Variants in DLGAP4 observed in about 807,000 individuals in gnomAD.
The protein encoded by DLGAP4 is DLG associated protein 4.
In DLGAP4, 18 loss-of-function variants were observed where a neutral mutation model predicts 86.9. The observed-to-expected ratio is 0.21, with a 90% CI of 0.14 to 0.31. DLGAP4 has a LOEUF of 0.31. Ranked by LOEUF, DLGAP4 falls within the 10% of genes least tolerant of loss-of-function variation. DLGAP4 has a pLI of 1.00. For synonymous variants in DLGAP4, 548 were observed against 574.3 expected (o/e 0.95, Z 0.65); for missense variants, 1,085 against 1,362.6 (o/e 0.80, Z 3.21).
intron 1 of DLGAP4, among the ~76,000 whole-genome samples, chr20:36,317,257 T>A (rs1331434758): frequency 0.011 from 661 of 60,484 alleles, 7 homozygotes; most frequent in African/African-American, 0.054. Context: ...CTTTCTTTCT[T>A]TCTTTCTTTC....
In DLGAP4 at chr20:36,500,334, C is replaced by T. The variant is rs560062793; in HGVS notation, c.2235C>T (p.Ile745=). 56 of 1,613,888 alleles carry T rather than the reference C, an allele frequency of 3.5e-5. 2 individuals are homozygous for T. In the South Asian group the frequency reaches 5.2e-4, roughly 15 times the overall value. ...CCCCTCACCCCAACTCCATCAGCAT[C>T]GATGCCGGTCCCCGGCAGGCCCCCA... ...DCTPHPNSIS[I]DAGPRQAPKI... Residue 745 remains isoleucine, a synonymous_variant, in exon 10 of 13, where the codon ATC becomes ATT. Transcript: ENST00000339266. This position sits in a 1 kb window ranked among gnomAD's most constrained non-coding sequence, Gnocchi z 4.6.
At chr20:36,366,599 A>G (rs2030696066) in intron 1 of DLGAP4, among the ~76,000 whole-genome samples, 1 of 152,146 alleles carries the variant, frequency 6.6e-6, no homozygotes, top group Non-Finnish European at 1.5e-5. Flanking sequence ...TGGTGGGGAA[A>G]CTGAGGCTCA....
At chr20:36,330,665 C>T (rs748929377) in intron 1 of DLGAP4, among the ~76,000 whole-genome samples, 10 of 150,526 alleles carry the variant, frequency 6.6e-5, no homozygotes, top group Non-Finnish European at 1.3e-4. Context: ...CTATGCCTCC[C>T]GGATTCAAGC....
At position 36,393,464 on chromosome 20, in the gene DLGAP4, C is replaced by T. The variant is rs2031849498; in HGVS notation, c.-73+26189C>T. ...AAGTGCTGGGCTCCTGGGAGACGCT[C>T]TGGGGTCTGGAAACCCAGCCCTCTT... On this transcript the variant is annotated intron_variant, in intron 2 of 12. Transcript: ENST00000339266. This position sits in a 1 kb window ranked among gnomAD's most constrained non-coding sequence, Gnocchi z 4.4. Among the ~76,000 whole-genome samples, 1 of 152,136 alleles carries T rather than the reference C, an allele frequency of 6.6e-6. No individual in the cohort carries two copies.
intron 10 of DLGAP4, among the ~76,000 whole-genome samples, chr20:36,521,648 A>T (rs1043607222): frequency 7.9e-5 from 12 of 152,304 alleles, no homozygotes; most frequent in Admixed American, 5.9e-4. Flanking sequence ...ACAAGTCCTC[A>T]GCAGGGTTGA....
At chr20:36,517,013 G>A (rs78967517) in intron 10 of DLGAP4, among the ~76,000 whole-genome samples, 43 of 151,550 alleles carry the variant, frequency 2.8e-4, no homozygotes, top group Admixed American at 1.0e-3. Flanking sequence ...TGATCCGCCC[G>A]CCTCGGCCTC....
intron 1 of DLGAP4, among the ~76,000 whole-genome samples, chr20:36,346,419 G>A (rs912926525): frequency 1.3e-5 from 2 of 152,230 alleles, no homozygotes; most frequent in Non-Finnish European, 2.9e-5. Flanking sequence ...GGAACCATCC[G>A]GGACACTCTC....
At chr20:36,392,102 G>A (rs2031803324) in intron 2 of DLGAP4, among the ~76,000 whole-genome samples, 1 of 152,214 alleles carries the variant, frequency 6.6e-6, no homozygotes, top group South Asian at 2.1e-4. Flanking sequence ...CTGGTTCAGA[G>A]TGAGGCAGCA....
intron 7 of DLGAP4, among the ~76,000 whole-genome samples, chr20:36,452,772 A>G (rs2033771476): frequency 6.7e-6 from 1 of 149,020 alleles, no homozygotes; most frequent in South Asian, 2.1e-4. Flanking sequence ...GGCCTCCCAA[A>G]GTGTTGGGAT....
Position 36,432,723 on chromosome 20 carries a change from C to T in DLGAP4, c.999+7C>T. ...AGCCTACCATTACCTGCAGGTGGGT[C>T]TCTGGCAGGGTCAGGGGTGGGATGA... On this transcript the variant is annotated splice_region_variant and intron_variant, in intron 3 of 12. Coordinates refer to ENST00000339266, the MANE Select transcript of DLGAP4 (RefSeq NM_001365621.2). The surrounding 1 kb of genome is among the most constrained non-coding windows in gnomAD (Gnocchi z 6.5). 3.1e-6 allele frequency: 5 copies of T among 1,611,954 alleles called. No homozygotes were observed. Among genetic ancestry groups the T allele is most frequent in the Non-Finnish European group, 4.2e-6 (5 of 1,179,224 alleles).
intron 2 of DLGAP4, among the ~76,000 whole-genome samples, chr20:36,423,915 A>G (rs2032901362): frequency 6.6e-6 from 1 of 152,044 alleles, no homozygotes; most frequent in Non-Finnish European, 1.5e-5. Flanking sequence ...AGCCGAGATC[A>G]TGCCGCTGCA....
At chr20:36,422,694 G>A (rs973793387) in intron 2 of DLGAP4, among the ~76,000 whole-genome samples, 4 of 152,166 alleles carry the variant, frequency 2.6e-5, no homozygotes, top group African/African-American at 9.7e-5. Context: ...ATGAGATGAG[G>A]TAGGGCAGGG....
chr20:36,373,248 T>C (rs1346265737), intron 2 of DLGAP4, among the ~76,000 whole-genome samples: 2 of 152,244 alleles, frequency 1.3e-5, no homozygotes, highest in South Asian at 2.1e-4. Context: ...AGAGGTCTGA[T>C]GGCTTCAGGC....
rs999449023 is a variant in DLGAP4 at position 36,524,956 on chromosome 20, C to T, written c.2604+615C>T. Among the ~76,000 whole-genome samples, 9 of 151,598 alleles carry T rather than the reference C, an allele frequency of 5.9e-5. 1 individual carries two copies. Among genetic ancestry groups the T allele is most frequent in the Admixed American group, 3.9e-4 (6 of 15,194 alleles). On this transcript the variant is annotated intron_variant, in intron 11 of 12. Coordinates refer to ENST00000339266, the MANE Select transcript of DLGAP4 (RefSeq NM_001365621.2). ...TTTTTTGGCCAGGCGCAGTGGCTCA[C>T]GCCTGTAATCCCAGCACTTTGGGAG...
intron 1 of DLGAP4, among the ~76,000 whole-genome samples, chr20:36,366,055 G>A (rs1442177925): frequency 1.3e-5 from 2 of 152,142 alleles, no homozygotes; most frequent in African/African-American, 4.8e-5. Context: ...GGAGGGGTGT[G>A]GAATAGAGGG....
chr20:36,512,089 T>C (rs1190980331), intron 10 of DLGAP4, among the ~76,000 whole-genome samples: 2 of 146,806 alleles, frequency 1.4e-5, no homozygotes, highest in South Asian at 2.2e-4. Context: ...CTTGCTCTGT[T>C]GCCCAGGCTA....
At chr20:36,518,276 T>G (rs933758014) in intron 10 of DLGAP4, among the ~76,000 whole-genome samples, 1 of 152,166 alleles carries the variant, frequency 6.6e-6, no homozygotes, top group Non-Finnish European at 1.5e-5. Context: ...TAACTCTAGT[T>G]TTGAGTATCT....
chr20:36,447,148 T>C (rs1289750937), intron 7 of DLGAP4, among the ~76,000 whole-genome samples: 1 of 152,140 alleles, frequency 6.6e-6, no homozygotes, highest in African/African-American at 2.4e-5. Flanking sequence ...CAGAGGCAGA[T>C]GCCACCCCTG....
intron 7 of DLGAP4, among the ~76,000 whole-genome samples, chr20:36,469,735 A>G (rs1164352900): frequency 6.6e-6 from 1 of 150,520 alleles, no homozygotes; most frequent in Non-Finnish European, 1.5e-5. Flanking sequence ...CCTGGGCAAC[A>G]GAGCAAGACT....
Sources: allele counts gnomAD v4.1 joint callset (sites outside exome capture counted in the v4.1 genomes callset), GRCh38; gene constraint gnomAD v4.1.1; non-coding constraint Gnocchi (gnomAD v3.1); transcripts MANE v1.5; gene names NCBI Gene and HGNC (gene_info 2026-07-23, HGNC 2026-07-21).